Variants in CNTNAP5 observed in about 807,000 individuals in gnomAD.
The protein encoded by CNTNAP5 is contactin associated protein family member 5, also known as contactin-associated protein-like 5.
CNTNAP5 carries 72 observed loss-of-function variants against 150.2 expected under a neutral mutation model. The observed-to-expected ratio is 0.48, with a 90% CI of 0.40 to 0.58. CNTNAP5 has a LOEUF of 0.58. Among genes scored for constraint, CNTNAP5 ranks in the 20% least tolerant of loss-of-function variants. The pLI, the probability that CNTNAP5 is intolerant of heterozygous loss-of-function variation, is 0.00. For missense variants in CNTNAP5, 1,636 were observed against 1,626.2 expected (o/e 1.01, Z -0.10); for synonymous variants, 672 against 619.8 (o/e 1.08, Z -1.25).
intron 6 of CNTNAP5, among the ~76,000 whole-genome samples, chr2:124,474,161 T>C (rs1043687289): frequency 6.6e-6 from 1 of 152,140 alleles, no homozygotes; most frequent in Non-Finnish European, 1.5e-5. Context: ...ATATTACAAA[T>C]GTTTAATAAG....
At chr2:124,521,735 C>T (rs1328934033) in intron 8 of CNTNAP5, among the ~76,000 whole-genome samples, 2 of 152,110 alleles carry the variant, frequency 1.3e-5, no homozygotes, top group Admixed American at 6.6e-5. Context: ...CAAATGCAGT[C>T]CCATATGTTA....
At chr2:124,898,129 T>C (rs1211100996) in intron 21 of CNTNAP5, among the ~76,000 whole-genome samples, 1 of 151,528 alleles carries the variant, frequency 6.6e-6, no homozygotes, top group South Asian at 2.1e-4. Flanking sequence ...AATTTTTACT[T>C]GTATATACTT....
intron 3 of CNTNAP5, among the ~76,000 whole-genome samples, chr2:124,303,622 A>T (rs1281469319): frequency 2.0e-5 from 3 of 152,238 alleles, no homozygotes; most frequent in East Asian, 1.9e-4. Context: ...AATTAAATAT[A>T]TAGATTATCT....
chr2:124,263,052 A>T (rs1687501961), intron 3 of CNTNAP5, among the ~76,000 whole-genome samples: 1 of 152,102 alleles, frequency 6.6e-6, no homozygotes, highest in South Asian at 2.1e-4. Flanking sequence ...TCTATCATTG[A>T]TGGACATCTG....
intron 13 of CNTNAP5, among the ~76,000 whole-genome samples, chr2:124,650,719 A>C (rs764194552): frequency 9.2e-5 from 14 of 152,212 alleles, no homozygotes; most frequent in Non-Finnish European, 2.1e-4. Context: ...TTTGTCACAC[A>C]CAGGAAATGT....
At chr2:124,048,197 T>C (rs906769430) in intron 1 of CNTNAP5, among the ~76,000 whole-genome samples, 2 of 152,180 alleles carry the variant, frequency 1.3e-5, no homozygotes, top group African/African-American at 4.8e-5. Flanking sequence ...TTGTTCTGTT[T>C]AAACTGGCAG....
intron 14 of CNTNAP5, among the ~76,000 whole-genome samples, chr2:124,762,857 T>C (rs1306383707): frequency 6.6e-6 from 1 of 152,088 alleles, no homozygotes; most frequent in Admixed American, 6.6e-5. Flanking sequence ...GAAATGGGCA[T>C]AATGACACCT....
intron 14 of CNTNAP5, among the ~76,000 whole-genome samples, chr2:124,751,470 T>A (rs1430943317): frequency 1.3e-5 from 2 of 152,222 alleles, no homozygotes; most frequent in African/African-American, 2.4e-5. Flanking sequence ...ACACCAGGCA[T>A]ATCTTTGTGA....
At chr2:124,693,236 G>A (rs1679335850) in intron 13 of CNTNAP5, among the ~76,000 whole-genome samples, 1 of 152,012 alleles carries the variant, frequency 6.6e-6, no homozygotes, top group Non-Finnish European at 1.5e-5. Flanking sequence ...AGTTGGCACA[G>A]AATAAATGCC....
At chr2:124,673,391 C>T (rs751867108) in intron 13 of CNTNAP5, among the ~76,000 whole-genome samples, 7 of 151,050 alleles carry the variant, frequency 4.6e-5, no homozygotes, top group African/African-American at 9.7e-5. Flanking sequence ...TTTGATAGGG[C>T]GGTAGTAACA....
At chr2:124,862,998 A>G (rs1353453019) in intron 19 of CNTNAP5, among the ~76,000 whole-genome samples, 1 of 152,176 alleles carries the variant, frequency 6.6e-6, no homozygotes, top group East Asian at 1.9e-4. Context: ...ACTTTAGCAG[A>G]TAGGAACTCT....
At chr2:124,160,257 G>T (rs954745809) in intron 1 of CNTNAP5, among the ~76,000 whole-genome samples, 1 of 152,166 alleles carries the variant, frequency 6.6e-6, no homozygotes, top group Non-Finnish European at 1.5e-5. Context: ...GGCAAAGAAA[G>T]AGAATATTAT....
At chr2:124,673,444 CT>C (rs890029720) in intron 13 of CNTNAP5, among the ~76,000 whole-genome samples, 75 of 144,582 alleles carry the variant, frequency 5.2e-4, no homozygotes, top group Non-Finnish European at 3.8e-4. Context: ...GTTACAGTTT[CT>C]TTTTTTTTTT....
intron 11 of CNTNAP5, among the ~76,000 whole-genome samples, chr2:124,575,399 G>A (rs192690569): frequency 1.4e-4 from 22 of 152,220 alleles, no homozygotes; most frequent in Admixed American, 1.4e-3. Context: ...TTTACTATTT[G>A]ATCTCAGTAA....
intron 3 of CNTNAP5, among the ~76,000 whole-genome samples, chr2:124,249,802 G>A (rs867023557): frequency 1.1e-4 from 17 of 152,058 alleles, no homozygotes; most frequent in African/African-American, 2.7e-4. Flanking sequence ...TCTTTTCATC[G>A]ACAAGAGTTA....
At chr2:124,164,593 T>C (rs2104654005) in intron 1 of CNTNAP5, among the ~76,000 whole-genome samples, 1 of 152,096 alleles carries the variant, frequency 6.6e-6, no homozygotes, top group Non-Finnish European at 1.5e-5. Flanking sequence ...GGAGGGGAAG[T>C]CCATGACACT....
intron 11 of CNTNAP5, among the ~76,000 whole-genome samples, chr2:124,589,749 C>T (rs188852118): frequency 1.3e-5 from 2 of 152,266 alleles, no homozygotes; most frequent in East Asian, 1.9e-4. Flanking sequence ...ATCCTTTTTA[C>T]GTGAACTCAG....
chr2:124,204,179 T>C (rs1410253067), intron 1 of CNTNAP5, among the ~76,000 whole-genome samples: 2 of 152,188 alleles, frequency 1.3e-5, no homozygotes, highest in Admixed American at 6.5e-5. Flanking sequence ...ATCATCTCTC[T>C]CAAACTCAGA....
At chr2:124,169,902 A>G (rs1249055146) in intron 1 of CNTNAP5, among the ~76,000 whole-genome samples, 2 of 152,186 alleles carry the variant, frequency 1.3e-5, no homozygotes, top group Non-Finnish European at 2.9e-5. Context: ...CACATGCATA[A>G]TGCGAGGGTA....
Sources: allele counts gnomAD v4.1 joint callset (sites outside exome capture counted in the v4.1 genomes callset), GRCh38; gene constraint gnomAD v4.1.1; transcripts MANE v1.5; gene names NCBI Gene and HGNC (gene_info 2026-07-23, HGNC 2026-07-21).